The following PARD3 variants were observed in gnomAD, a reference collection of about 807,000 sequenced individuals.
PARD3 encodes the protein par-3 family cell polarity regulator.
Under a neutral mutation model 155.4 loss-of-function variants are expected in PARD3, and 75 were observed. The ratio of observed to expected loss-of-function variants is 0.48; its 90% CI spans 0.40 to 0.58. The LOEUF is 0.58. Ranked by LOEUF, PARD3 falls within the 20% of genes least tolerant of loss-of-function variation. PARD3 has a pLI of 0.00. For missense variants in PARD3, 1,642 were observed against 1,721.7 expected (o/e 0.95, Z 0.82); for synonymous variants, 576 against 610.5 (o/e 0.94, Z 0.83).
intron 2 of PARD3, among the ~76,000 whole-genome samples, chr10:34,589,401 C>A (rs529872002): frequency 1.8e-4 from 27 of 152,162 alleles, no homozygotes; most frequent in African/African-American, 6.5e-4. Context: ...AAAATGAGGT[C>A]ATTAGAGTGG....
At chr10:34,160,652 T>G (rs986318497) in intron 22 of PARD3, among the ~76,000 whole-genome samples, 4 of 152,216 alleles carry the variant, frequency 2.6e-5, no homozygotes, top group Admixed American at 6.5e-5. Context: ...TAATCTTTTT[T>G]TTGTTGTTGG....
At chr10:34,808,173 G>A (rs1033284128) in intron 1 of PARD3, among the ~76,000 whole-genome samples, 7 of 132,396 alleles carry the variant, frequency 5.3e-5, no homozygotes, top group Non-Finnish European at 9.3e-5. Context: ...AATTAGCCAG[G>A]TGTGGCGGCA....
chr10:34,805,665 T>C (rs1279023064), intron 1 of PARD3, among the ~76,000 whole-genome samples: 1 of 151,486 alleles, frequency 6.6e-6, no homozygotes, highest in African/African-American at 2.4e-5. Flanking sequence ...CATTAAAAGA[T>C]ACTTACCTTG....
rs555181431 is a variant in PARD3 at position 34,674,846 on chromosome 10, T to G, written c.222+21472A>C. ...AACCTTCCCGGTCTAAGCCCAATTT[T>G]GGGGCTTACCTGCCCTGCATCAATT... is the stretch of plus-strand genomic sequence containing the variant. On this transcript the variant is annotated intron_variant, in intron 2 of 24. Coordinates refer to ENST00000374788, the MANE Select transcript of PARD3 (RefSeq NM_001184785.2). Among the ~76,000 whole-genome samples, 6 of 152,324 alleles carry G rather than the reference T, an allele frequency of 3.9e-5. No homozygotes were observed. In the East Asian group the frequency reaches 9.6e-4, roughly 24 times the overall value.
chr10:34,573,229 G>C (rs1392250639), intron 2 of PARD3, among the ~76,000 whole-genome samples: 1 of 151,964 alleles, frequency 6.6e-6, no homozygotes, highest in Non-Finnish European at 1.5e-5. Context: ...GATGGCACAT[G>C]TCTGTAGTCC....
At chr10:34,475,067 C>T (rs1232735168) in intron 3 of PARD3, among the ~76,000 whole-genome samples, 1 of 152,170 alleles carries the variant, frequency 6.6e-6, no homozygotes, top group Non-Finnish European at 1.5e-5. Context: ...AAACTCTGAT[C>T]TCAGGGCCCT....
rs1174152573 is a variant in PARD3 at position 34,575,705 on chromosome 10, G to A, written c.223-58546C>T. 2.0e-5 allele frequency among the ~76,000 whole-genome samples: 3 copies of A among 152,156 alleles called. No homozygotes were observed. The East Asian group carries it at 5.8e-4, about 29-fold the overall frequency. On this transcript the variant is annotated intron_variant, in intron 2 of 24. Transcript: ENST00000374788. ...AAGGTCAGGAGTTCGAGACCAGCCT[G>A]GCCAACATCGTGAAACCCCATCTCT...
chr10:34,251,132 C>T (rs994667034), intron 22 of PARD3, among the ~76,000 whole-genome samples: 2 of 152,174 alleles, frequency 1.3e-5, no homozygotes, highest in African/African-American at 4.8e-5. Context: ...CATAACCATG[C>T]CCATTTTAGC....
At chr10:34,605,886 C>CTA (rs1265171590) in intron 2 of PARD3, among the ~76,000 whole-genome samples, 3 of 84,172 alleles carry the variant, frequency 3.6e-5, no homozygotes, top group African/African-American at 1.2e-4. Flanking sequence ...TATATATCTC[C>CTA]TATATATATA....
At chr10:34,433,765 GAGA>G in intron 5 of PARD3, among the ~76,000 whole-genome samples, 1 of 152,170 alleles carries the variant, frequency 6.6e-6, no homozygotes, top group African/African-American at 2.4e-5. Flanking sequence ...AATGTTTTAA[GAGA>G]AGAACATTTC....
chr10:34,783,401 G>A (rs900506090), intron 1 of PARD3, among the ~76,000 whole-genome samples: 7 of 151,642 alleles, frequency 4.6e-5, no homozygotes, highest in Admixed American at 2.6e-4. Context: ...TCAGGAGATC[G>A]AGACCATCCT....
At chr10:34,396,249 C>G (rs1843330656) in intron 7 of PARD3, among the ~76,000 whole-genome samples, 1 of 152,050 alleles carries the variant, frequency 6.6e-6, no homozygotes, top group Non-Finnish European at 1.5e-5. Flanking sequence ...TCTAGGAAGG[C>G]TGATGCAGGA....
intron 22 of PARD3, among the ~76,000 whole-genome samples, chr10:34,252,823 G>A (rs1279551409): frequency 6.6e-6 from 1 of 151,890 alleles, no homozygotes; most frequent in African/African-American, 2.4e-5. Flanking sequence ...TATAAAAGTG[G>A]GGAAATGGTG....
intron 22 of PARD3, among the ~76,000 whole-genome samples, chr10:34,192,286 C>G (rs1950747216): frequency 6.6e-6 from 1 of 151,974 alleles, no homozygotes; most frequent in Non-Finnish European, 1.5e-5. Context: ...TGGGTAGAGA[C>G]AGGGTTTTGC....
intron 21 of PARD3, among the ~76,000 whole-genome samples, chr10:34,276,567 A>C (rs1589026080): frequency 6.6e-6 from 1 of 152,324 alleles, no homozygotes; most frequent in East Asian, 1.9e-4. Flanking sequence ...GGCTTTTAGC[A>C]CTAATTGCAG....
In PARD3 at chr10:34,470,160, A is replaced by T; in HGVS notation, c.507T>A (p.Asn169Lys). 6.2e-7 allele frequency: 1 copy of T among 1,613,274 alleles called. No individual in the cohort carries two copies. Among genetic ancestry groups the T allele is most frequent in the Non-Finnish European group, 8.5e-7 (1 of 1,179,722 alleles). ...NFSSEEPSRKNPTRWSTTAGF... is the reference protein window; with the variant it reads ...NFSSEEPSRKKPTRWSTTAGF... ...CAGCTGTTGTTGACCAGCGTGTGGG[A>T]TTTTTCCTTGAAGGCTCTTCAGAGG... Residue 169 changes from asparagine (N) to lysine (K), a missense_variant, in exon 4 of 25, where the codon AAT (asparagine) becomes AAA (lysine). Asn to Lys is a moderately conservative substitution (Grantham distance 94, BLOSUM62 0). Coordinates refer to ENST00000374788, the MANE Select transcript of PARD3 (RefSeq NM_001184785.2).
rs532028140 is a variant in PARD3 at position 34,208,451 on chromosome 10, A to C, written c.3419+61206T>G. 4.3e-4 allele frequency among the ~76,000 whole-genome samples: 65 copies of C among 152,316 alleles called. 1 individual carries two copies. Among genetic ancestry groups the C allele is most frequent in the African/African-American group, 1.5e-3 (63 of 41,578 alleles). On this transcript the variant is annotated intron_variant, in intron 22 of 24. Coordinates refer to ENST00000374788, the MANE Select transcript of PARD3 (RefSeq NM_001184785.2). ...TCTAATGTTGCTAACATGTCTCTTC[A>C]ATCTTATGAATCCTTGCCAGGACCA... is the stretch of plus-strand genomic sequence containing the variant.
intron 2 of PARD3, among the ~76,000 whole-genome samples, chr10:34,681,767 T>TAG (rs1167627368): frequency 4.7e-4 from 9 of 19,292 alleles, no homozygotes; most frequent in Admixed American, 1.8e-3. Flanking sequence ...TATATATATA[T>TAG]ATTTTTTTTT....
intron 22 of PARD3, among the ~76,000 whole-genome samples, chr10:34,247,300 G>A (rs568226885): frequency 8.5e-5 from 13 of 152,206 alleles, no homozygotes; most frequent in African/African-American, 2.6e-4. Flanking sequence ...TCAGGAGTTC[G>A]AGACCAGCCT....
Sources: allele counts gnomAD v4.1 joint callset (sites outside exome capture counted in the v4.1 genomes callset), GRCh38; gene constraint gnomAD v4.1.1; transcripts MANE v1.5; gene names NCBI Gene and HGNC (gene_info 2026-07-23, HGNC 2026-07-21).